MAPKAP1: variants seen among roughly 807,000 people sequenced by gnomAD.
The protein encoded by MAPKAP1 is target of rapamycin complex 2 subunit MAPKAP1.
In MAPKAP1, 20 loss-of-function variants were observed where a neutral mutation model predicts 65.7. The ratio of observed to expected loss-of-function variants is 0.30; its 90% CI spans 0.21 to 0.44. The LOEUF (loss-of-function observed/expected upper bound fraction) is 0.44, where lower values mean the gene tolerates loss of function less well. MAPKAP1 is among the 20% of genes least tolerant of loss of function. The pLI is 1.00. For synonymous variants in MAPKAP1, 222 were observed against 244.3 expected, an observed-to-expected ratio of 0.91 and a Z score of 0.85; for missense variants, 423 against 648.0, an observed-to-expected ratio of 0.65 and a Z score of 3.77.
chr9:125,614,566 A>C (rs1466897260), intron 4 of MAPKAP1, among the ~76,000 whole-genome samples: 1 of 152,218 alleles, frequency 6.6e-6, no homozygotes, highest in Non-Finnish European at 1.5e-5. Context: ...TGGAGGTTGC[A>C]GTGAGCCAAG....
chr9:125,513,156 A>C (rs1829357292), intron 7 of MAPKAP1: 1 of 152,214 alleles, frequency 6.6e-6, no homozygotes, highest in Non-Finnish European at 1.5e-5. Context: ...CAACCCTCCC[A>C]TATCAGCCTC....
intron 1 of MAPKAP1, among the ~76,000 whole-genome samples, chr9:125,699,601 C>T (rs756960691): frequency 6.6e-6 from 1 of 151,312 alleles, no homozygotes; most frequent in African/African-American, 2.4e-5. Context: ...CATGTCAGTT[C>T]GAAAAGTTTT....
chr9:125,522,494 TCTC>T (rs1829648710), intron 7 of MAPKAP1, among the ~76,000 whole-genome samples: 2 of 152,216 alleles, frequency 1.3e-5, no homozygotes, highest in Non-Finnish European at 2.9e-5. Context: ...AACACGGCAC[TCTC>T]AAGTTTGGAA....
At chr9:125,476,571 T>C (rs986466880) in intron 9 of MAPKAP1, among the ~76,000 whole-genome samples, 1 of 152,086 alleles carries the variant, frequency 6.6e-6, no homozygotes, top group Non-Finnish European at 1.5e-5. Flanking sequence ...CAAGGGAAAA[T>C]GTTTTATTCA....
chr9:125,570,904 C>T (rs1197024076), intron 5 of MAPKAP1, among the ~76,000 whole-genome samples: 1 of 150,912 alleles, frequency 6.6e-6, no homozygotes, highest in Non-Finnish European at 1.5e-5. Flanking sequence ...TTTCTTAGCG[C>T]ACTCATCTGC....
chr9:125,549,492 C>T (rs1437722463), intron 6 of MAPKAP1, among the ~76,000 whole-genome samples: 1 of 152,226 alleles, frequency 6.6e-6, no homozygotes, highest in Non-Finnish European at 1.5e-5. Flanking sequence ...GTGAATGCCA[C>T]ATTTTGTTTC....
At chr9:125,625,556 A>T (rs2131672413) in intron 4 of MAPKAP1, among the ~76,000 whole-genome samples, 1 of 152,302 alleles carries the variant, frequency 6.6e-6, no homozygotes, top group South Asian at 2.1e-4. Flanking sequence ...GCATTTTGGG[A>T]GGACAAGGCA....
intron 10 of MAPKAP1, among the ~76,000 whole-genome samples, chr9:125,460,352 CA>C (rs1853439457): frequency 6.6e-6 from 1 of 151,216 alleles, no homozygotes; most frequent in Admixed American, 6.6e-5. Flanking sequence ...TCTACTCTAA[CA>C]AATATCAATA....
intron 4 of MAPKAP1, among the ~76,000 whole-genome samples, chr9:125,610,011 C>T (rs983636565): frequency 2.6e-5 from 4 of 152,160 alleles, no homozygotes; most frequent in African/African-American, 2.4e-5. Flanking sequence ...GATGGAAACC[C>T]GCCTCTGACT....
chr9:125,460,702 C>T (rs1776035064), intron 10 of MAPKAP1, among the ~76,000 whole-genome samples: 2 of 152,194 alleles, frequency 1.3e-5, no homozygotes, highest in South Asian at 2.1e-4. Flanking sequence ...TACCATCTAT[C>T]ATACACTGAG....
At chr9:125,646,574 T>G (rs1833731646) in intron 4 of MAPKAP1, among the ~76,000 whole-genome samples, 1 of 152,212 alleles carries the variant, frequency 6.6e-6, no homozygotes. Context: ...AAAGGGGGCT[T>G]AAATCTCATA....
At chr9:125,599,421 T>A (rs981444240) in intron 4 of MAPKAP1, among the ~76,000 whole-genome samples, 1 of 152,160 alleles carries the variant, frequency 6.6e-6, no homozygotes, top group Admixed American at 6.5e-5. Flanking sequence ...CTCATGAAAT[T>A]TGAACAAATC....
chr9:125,687,275 C>G lies in MAPKAP1; in HGVS notation c.-69-14632G>C, dbSNP rs190103695. On this transcript the variant is annotated intron_variant, in intron 1 of 11. Coordinates refer to ENST00000265960, the MANE Select transcript of MAPKAP1 (RefSeq NM_001006617.3). ...GAAAATGGCACAGATTATAAAAAGG[C>G]ACAGTGTTTTGCCACATCTAGAGTT... Among the ~76,000 whole-genome samples, 41 of 152,136 alleles carry G rather than the reference C, an allele frequency of 2.7e-4. No individual in the cohort carries two copies. In the East Asian group the frequency reaches 7.9e-3, roughly 29 times the overall value.
intron 10 of MAPKAP1, among the ~76,000 whole-genome samples, chr9:125,460,061 A>T (rs10986769): frequency 1.3e-5 from 2 of 152,108 alleles, no homozygotes; most frequent in Non-Finnish European, 2.9e-5. Context: ...CAGCTGAGAA[A>T]TCTTTCACAC....
chr9:125,635,302 T>G (rs1277002428), intron 4 of MAPKAP1, among the ~76,000 whole-genome samples: 2 of 152,204 alleles, frequency 1.3e-5, no homozygotes, highest in African/African-American at 4.8e-5. Flanking sequence ...TTCAGAAGAT[T>G]AGAAACATTT....
chr9:125,464,535 A>G lies in MAPKAP1; in HGVS notation c.1345+3437T>C, dbSNP rs146844962. ...GCTTGTGATACACAGATTCTCAAATAACTCTTTTAAGAATTCATATTTATA... is the reference window on the plus strand; with the variant it reads ...GCTTGTGATACACAGATTCTCAAATGACTCTTTTAAGAATTCATATTTATA... On this transcript the variant is annotated intron_variant, in intron 10 of 11. Transcript: ENST00000265960. Among the ~76,000 whole-genome samples the G allele has an allele frequency of 1.3e-3, 196 of 152,352 alleles. 2 individuals are homozygous for G. The highest frequency in any genetic ancestry group is 4.5e-3 in the African/African-American group (186 of 41,582).
intron 1 of MAPKAP1, among the ~76,000 whole-genome samples, chr9:125,695,307 A>G (rs186986726): frequency 6.6e-6 from 1 of 152,378 alleles, no homozygotes; most frequent in Admixed American, 6.5e-5. Flanking sequence ...AGAGCATTCT[A>G]TCAATATAGT....
In MAPKAP1 at chr9:125,643,430, G is replaced by C. The variant is rs547428754; in HGVS notation, c.498+14221C>G. Among the ~76,000 whole-genome samples the C allele has an allele frequency of 1.1e-3, 174 of 152,144 alleles. 1 individual carries two copies. The highest frequency in any genetic ancestry group is 4.1e-3 in the African/African-American group (171 of 41,506). ...GGCTGGTCTCAAACTCCTGACCTCA[G>C]GTGATCCGCCTGCCTCAGCCTCCTA... On this transcript the variant is annotated intron_variant, in intron 4 of 11. Transcript: ENST00000265960.
At chr9:125,620,939 A>C (rs1388616838) in intron 4 of MAPKAP1, among the ~76,000 whole-genome samples, 1 of 152,166 alleles carries the variant, frequency 6.6e-6, no homozygotes, top group Non-Finnish European at 1.5e-5. Context: ...TGTATCACCT[A>C]TTTAACACAT....
Sources: allele counts gnomAD v4.1 joint callset (sites outside exome capture counted in the v4.1 genomes callset), GRCh38; gene constraint gnomAD v4.1.1; transcripts MANE v1.5; gene names NCBI Gene and HGNC (gene_info 2026-07-23, HGNC 2026-07-21).